Variants in UGT1A9 observed in about 807,000 individuals in gnomAD.
UGT1A9 encodes the protein UDP glucuronosyltransferase family 1 member A9, also known as UDP-glucuronosyltransferase 1A9.
UGT1A9 carries 35 observed loss-of-function variants against 45.0 expected under a neutral mutation model. The ratio of observed to expected loss-of-function variants is 0.78; its 90% CI spans 0.59 to 1.03. The LOEUF is 1.03. Ranked by LOEUF, UGT1A9 falls within the 50% of genes least tolerant of loss-of-function variation. The pLI is 0.00. For missense variants in UGT1A9, 687 were observed against 666.6 expected, an observed-to-expected ratio of 1.03 and a Z score of -0.34; for synonymous variants, 278 against 250.6, an observed-to-expected ratio of 1.11 and a Z score of -1.03.
At chr2:233,721,760 T>C in intron 1 of UGT1A9, 1 of 468,990 alleles carries the variant, frequency 2.1e-6, no homozygotes, top group South Asian at 1.6e-5. Context: ...ACATCTAAAT[T>C]GTTATATTTA....
chr2:233,728,370 T>C (rs2077707382), intron 1 of UGT1A9, among the ~76,000 whole-genome samples: 1 of 152,190 alleles, frequency 6.6e-6, no homozygotes. Flanking sequence ...GAACCCACCA[T>C]GGGTCTTTGC....
intron 1 of UGT1A9, among the ~76,000 whole-genome samples, chr2:233,731,847 G>C (rs1360054279): frequency 1.3e-4 from 20 of 152,190 alleles, no homozygotes; most frequent in Non-Finnish European, 7.3e-5. Flanking sequence ...CTAGGTCCTT[G>C]AGGAATCGCC....
At chr2:233,676,642 G>A (rs749352937) in intron 1 of UGT1A9, among the ~76,000 whole-genome samples, 2 of 152,110 alleles carry the variant, frequency 1.3e-5, no homozygotes, top group Non-Finnish European at 2.9e-5. Context: ...GACTCTCCTT[G>A]TTTTTAGTGA....
chr2:233,725,174 G>A (rs1352494338), intron 1 of UGT1A9, among the ~76,000 whole-genome samples: 3 of 99,246 alleles, frequency 3.0e-5, no homozygotes, highest in Admixed American at 1.8e-4. Flanking sequence ...GAGGGAGACC[G>A]TGGGGAGAGG....
chr2:233,747,416 C>T, intron 1 of UGT1A9: 4 of 1,607,550 alleles, frequency 2.5e-6, no homozygotes, highest in Non-Finnish European at 3.4e-6. Context: ...TGAATATGCA[C>T]ATCAAACAAG....
At position 233,725,204 on chromosome 2, in the gene UGT1A9, AGAGGCAGAGGCAGAG is replaced by A. The variant is rs1441655481; in HGVS notation, c.856-41768_856-41754del. On this transcript the variant is annotated intron_variant, in intron 1 of 4. Coordinates refer to ENST00000354728, the MANE Select transcript of UGT1A9 (RefSeq NM_021027.3). ...GAGAGGCAGAGGCAGAGGCAGAGGC[AGAGGCAGAGGCAGAG>A]GAGGCAGAGGCAGAGGAGGCAGAGG... Among the ~76,000 whole-genome samples, 412 of 85,248 alleles carry A rather than the reference AGAGGCAGAGGCAGAG, an allele frequency of 4.8e-3. 82 individuals carry two copies. Among genetic ancestry groups the A allele is most frequent in the East Asian group, 0.012 (46 of 3,984 alleles). The allele number at this position is 85,248 out of a possible 152,430, so 55.9% of individuals were successfully genotyped here.
At position 233,734,864 on chromosome 2, in the gene UGT1A9, C is replaced by T. The variant is rs1375585915; in HGVS notation, c.856-32170C>T. 3.3e-5 allele frequency among the ~76,000 whole-genome samples: 5 copies of T among 152,224 alleles called. No individual in the cohort carries two copies. In the East Asian group the frequency reaches 9.6e-4, roughly 29 times the overall value. ...AATCCAGAGTTCTAATTTGACTGCA[C>T]TATGGTCTGAGAGACAGTTTGTTGT... is the stretch of plus-strand genomic sequence containing the variant. On this transcript the variant is annotated intron_variant, in intron 1 of 4. Coordinates refer to ENST00000354728, the MANE Select transcript of UGT1A9 (RefSeq NM_021027.3).
chr2:233,766,968 C>G, intron 1 of UGT1A9, 66 bp from the exon 2 acceptor site: 2 of 1,609,596 alleles, frequency 1.2e-6, no homozygotes, highest in Non-Finnish European at 1.7e-6. Context: ...TAATTCATAA[C>G]TTACTGTATG....
intron 1 of UGT1A9, among the ~76,000 whole-genome samples, chr2:233,707,513 AT>A (rs1477564878): frequency 2.1e-5 from 3 of 144,262 alleles, no homozygotes. Context: ...CATAAATAGA[AT>A]TTTACTGTTT....
At chr2:233,691,387 G>C in intron 1 of UGT1A9, 1 of 985,394 alleles carries the variant, frequency 1.0e-6, no homozygotes, top group Non-Finnish European at 1.2e-6. Flanking sequence ...TGTTCCCCAT[G>C]GGGGCCAGCC....
At chr2:233,760,185 T>G in intron 1 of UGT1A9, 4 of 1,555,156 alleles carry the variant, frequency 2.6e-6, no homozygotes, top group Non-Finnish European at 3.5e-6. Context: ...CTTTTTATAG[T>G]CACGTGACAC....
In UGT1A9 at chr2:233,727,075, A is replaced by C. The variant is rs1559371928; in HGVS notation, c.856-39959A>C. 2.0e-5 allele frequency among the ~76,000 whole-genome samples: 3 copies of C among 152,212 alleles called. No individual in the cohort carries two copies. The South Asian group carries it at 6.2e-4, about 32-fold the overall frequency. On this transcript the variant is annotated intron_variant, in intron 1 of 4. Transcript: ENST00000354728. Reference sequence around the variant, plus strand: ...TGAAGATTAGTTTCTGTGTTCTCTTACAAACATTAAAGAATTCCAGTTTGT... The same window carrying C: ...TGAAGATTAGTTTCTGTGTTCTCTTCCAAACATTAAAGAATTCCAGTTTGT...
At chr2:233,705,685 G>A (rs917594086) in intron 1 of UGT1A9, among the ~76,000 whole-genome samples, 4 of 152,158 alleles carry the variant, frequency 2.6e-5, no homozygotes, top group Admixed American at 1.3e-4. Context: ...TATTCACAAC[G>A]ACTGGTATAA....
At chr2:233,751,369 A>G (rs1694708741) in intron 1 of UGT1A9, among the ~76,000 whole-genome samples, 1 of 152,104 alleles carries the variant, frequency 6.6e-6, no homozygotes, top group South Asian at 2.1e-4. Context: ...TCATGGGGGA[A>G]GGGACTTGCC....
chr2:233,769,776 G>A lies in UGT1A9; in HGVS notation c.1295+1337G>A. ...AGGCTAAGGCGGGAGGATTGCTTGAGCCCAGAAGTTGGAGGCTGCTATGAG... is the reference window on the plus strand; with the variant it reads ...AGGCTAAGGCGGGAGGATTGCTTGAACCCAGAAGTTGGAGGCTGCTATGAG... On this transcript the variant is annotated intron_variant, in intron 4 of 4. Transcript: ENST00000354728. This position sits in a 1 kb window ranked among gnomAD's most constrained non-coding sequence, Gnocchi z 4.4. The A allele has an allele frequency of 7.3e-7, 1 of 1,373,770 alleles. No individual in the cohort carries two copies. The allele number at this position is 1,373,770 out of a possible 1,614,324, so 85.1% of individuals were successfully genotyped here. A position where few individuals can be genotyped will look rare whatever the true frequency, so the allele number is the denominator to read the frequency against.
At chr2:233,717,510 G>C (rs1057270188) in intron 1 of UGT1A9, among the ~76,000 whole-genome samples, 15 of 152,198 alleles carry the variant, frequency 9.9e-5, no homozygotes, top group African/African-American at 3.6e-4. Flanking sequence ...ATTTCTAATG[G>C]GAGTAACTTC....
chr2:233,759,500 C>G (rs1243042735), intron 1 of UGT1A9, among the ~76,000 whole-genome samples: 1 of 152,164 alleles, frequency 6.6e-6, no homozygotes, highest in Non-Finnish European at 1.5e-5. Flanking sequence ...CAGGTTCACA[C>G]TAATAAAGGC....
At chr2:233,697,352 A>G (rs2075386143) in intron 1 of UGT1A9, among the ~76,000 whole-genome samples, 1 of 151,986 alleles carries the variant, frequency 6.6e-6, no homozygotes, top group Admixed American at 6.6e-5. Flanking sequence ...TAGGTTTTCT[A>G]ATTTGTTGGC....
intron 1 of UGT1A9, among the ~76,000 whole-genome samples, chr2:233,700,008 C>T (rs750443440): frequency 1.3e-5 from 2 of 152,192 alleles, no homozygotes; most frequent in Admixed American, 1.3e-4. Context: ...CAAAATGTCA[C>T]GAGTGCTGAA....
Sources: allele counts gnomAD v4.1 joint callset (sites outside exome capture counted in the v4.1 genomes callset), GRCh38; gene constraint gnomAD v4.1.1; non-coding constraint Gnocchi (gnomAD v3.1); transcripts MANE v1.5; gene names NCBI Gene and HGNC (gene_info 2026-07-23, HGNC 2026-07-21).